The following SPEF2 variants were observed in gnomAD, a reference collection of about 807,000 sequenced individuals.
SPEF2 encodes sperm flagellar and cilia associated 2, also known as sperm flagella and cilia-associated protein 2.
A neutral mutation model predicts 224.6 loss-of-function variants in SPEF2; 187 were observed. The observed-to-expected ratio is 0.83, with a 90% CI of 0.74 to 0.94. SPEF2 has a LOEUF of 0.94. SPEF2 is among the 40% of genes least tolerant of loss of function. SPEF2 has a pLI of 0.00. For missense variants in SPEF2, 2,170 were observed against 2,135.6 expected (o/e 1.02, Z -0.32); for synonymous variants, 715 against 707.3 (o/e 1.01, Z -0.17).
chr5:35,779,021 A>G, intron 29 of SPEF2, 96 bp from the exon 30 acceptor site: 1 of 823,636 alleles, frequency 1.2e-6, no homozygotes, highest in Non-Finnish European at 1.9e-6. Flanking sequence ...AGAGCTATAT[A>G]ATCTGTTTAC....
intron 23 of SPEF2, among the ~76,000 whole-genome samples, chr5:35,751,751 CTG>C (rs1438972150): frequency 6.6e-6 from 1 of 152,130 alleles, no homozygotes; most frequent in African/African-American, 2.4e-5. Flanking sequence ...ATAAAATTCA[CTG>C]TAGGCATTAA....
chr5:35,645,048 C>CT (rs1424775363), intron 4 of SPEF2, among the ~76,000 whole-genome samples: 1 of 152,172 alleles, frequency 6.6e-6, no homozygotes, highest in African/African-American at 2.4e-5. Flanking sequence ...CTTGCTTTGA[C>CT]TAACTCTCTG....
chr5:35,799,918 T>C, intron 33 of SPEF2, 50 bp from the exon 34 acceptor site: 1 of 1,594,230 alleles, frequency 6.3e-7, no homozygotes. Context: ...GACTAACTAC[T>C]GACTATGAGA....
intron 23 of SPEF2, among the ~76,000 whole-genome samples, chr5:35,751,031 ATATACACATATG>A (rs1561304896): frequency 4.1e-4 from 41 of 101,174 alleles, no homozygotes; most frequent in Middle Eastern, 4.6e-3. Context: ...ATACGTATAT[ATATACACATATG>A]TATATATATA....
chr5:35,758,623 G>C (rs1037408304), intron 24 of SPEF2, among the ~76,000 whole-genome samples: 17 of 152,074 alleles, frequency 1.1e-4, no homozygotes, highest in African/African-American at 3.9e-4. Context: ...CAAGCAGAAG[G>C]GTTTAGCCGT....
intron 25 of SPEF2, among the ~76,000 whole-genome samples, chr5:35,761,664 A>G (rs1367372801): frequency 1.3e-5 from 2 of 152,042 alleles, no homozygotes; most frequent in African/African-American, 2.4e-5. Context: ...AGCTGCTGAA[A>G]GAGATCTTTG....
At chr5:35,737,501 A>G (rs576085355) in intron 21 of SPEF2, among the ~76,000 whole-genome samples, 6 of 152,006 alleles carry the variant, frequency 3.9e-5, no homozygotes, top group African/African-American at 1.2e-4. Context: ...GCTGAGAATG[A>G]TGGTTTCCAG....
chr5:35,790,388 C>T, intron 30 of SPEF2: 2 of 494,698 alleles, frequency 4.0e-6, no homozygotes, highest in Non-Finnish European at 7.1e-6. Context: ...CAAATGTTGA[C>T]ATTTTTGTTG....
At chr5:35,811,579 C>T (rs2149880585) in intron 36 of SPEF2, among the ~76,000 whole-genome samples, 1 of 150,528 alleles carries the variant, frequency 6.6e-6, no homozygotes, top group African/African-American at 2.5e-5. Context: ...GTGTCTGCAT[C>T]TGTAAAATAG....
At chr5:35,703,135 G>T (rs1467445161) in intron 16 of SPEF2, among the ~76,000 whole-genome samples, 7 of 109,800 alleles carry the variant, frequency 6.4e-5, no homozygotes, top group African/African-American at 1.7e-4. Flanking sequence ...ATTTATTTTA[G>T]AAAAGGGTCT....
Position 35,704,551 on chromosome 5 carries a change from T to C in SPEF2, c.2399-3T>C. The C allele has an allele frequency of 6.3e-7, 1 of 1,593,156 alleles. No homozygotes were observed. The highest frequency in any genetic ancestry group is 8.6e-7 in the Non-Finnish European group (1 of 1,169,174). ...ATCTAATTAAATAAATTTTATACCATAGCTGAAGAATTGTCCTATAAAACT... is the reference window on the plus strand; with the variant it reads ...ATCTAATTAAATAAATTTTATACCACAGCTGAAGAATTGTCCTATAAAACT... On this transcript the variant is annotated splice_polypyrimidine_tract_variant and splice_region_variant and intron_variant, in intron 16 of 36. Coordinates refer to ENST00000356031, the MANE Select transcript of SPEF2 (RefSeq NM_024867.4).
At position 35,621,717 on chromosome 5, in the gene SPEF2, CAAAG is replaced by C. The variant is rs2149354926; in HGVS notation, c.58+3666_58+3669del. On this transcript the variant is annotated intron_variant, in intron 1 of 36. Transcript: ENST00000356031. ...CCCAGCCCATAGTTGCTTGTTGGGACAAAGAAACAGGAGAGAATGCCAAGCCTGT... is the reference window on the plus strand; with the variant it reads ...CCCAGCCCATAGTTGCTTGTTGGGACAAACAGGAGAGAATGCCAAGCCTGT... 2.0e-5 allele frequency among the ~76,000 whole-genome samples: 3 copies of C among 152,210 alleles called. No homozygotes were observed. The South Asian group carries it at 6.2e-4, about 32-fold the overall frequency.
At chr5:35,620,205 C>G (rs574615542) in intron 1 of SPEF2, among the ~76,000 whole-genome samples, 61 of 152,280 alleles carry the variant, frequency 4.0e-4, no homozygotes, top group African/African-American at 1.4e-3. Context: ...GCTGCCCCAT[C>G]ATTAGATAAA....
rs757240214 is a variant in SPEF2 at position 35,641,509 on chromosome 5, T to G, written c.240T>G (p.Asn80Lys). 2.5e-6 allele frequency: 4 copies of G among 1,613,734 alleles called. No homozygotes were observed. The highest frequency in any genetic ancestry group is 3.4e-6 in the Non-Finnish European group (4 of 1,179,840). ...LNLLGVQFDQ[N>K]VAHGIITEKP... Reference sequence around the variant, plus strand: ...TTCTGGGTGTGCAGTTTGATCAGAATGTGGCCCATGGCATCATCACAGAAA... The same window carrying G: ...TTCTGGGTGTGCAGTTTGATCAGAAGGTGGCCCATGGCATCATCACAGAAA... The change falls in exon 3 of 37, where the codon AAT (asparagine) becomes AAG (lysine). Residue 80 changes from asparagine to lysine, a missense_variant. Transcript: ENST00000356031.
intron 20 of SPEF2, among the ~76,000 whole-genome samples, chr5:35,717,041 A>G (rs1048201538): frequency 6.6e-6 from 1 of 152,200 alleles, no homozygotes; most frequent in Non-Finnish European, 1.5e-5. Context: ...CCACTGTCCC[A>G]TTATGTTTCT....
At position 35,806,877 on chromosome 5, in the gene SPEF2, G is replaced by C; in HGVS notation, c.5181G>C (p.Val1727=). 1.2e-6 allele frequency: 2 copies of C among 1,614,108 alleles called. No homozygotes were observed. The highest frequency in any genetic ancestry group is 1.7e-6 in the Non-Finnish European group (2 of 1,180,000). Residue 1727 remains valine, a synonymous_variant, in exon 35 of 37, where the codon GTG becomes GTC. Transcript: ENST00000356031. ...EKMSMETLLK[V]FKGGSEAQDS... is the part of the protein sequence containing the mutation. ...TGTCCATGGAAACACTACTCAAAGT[G>C]TTCAAAGGGGGAAGTGAAGCACAGG...
chr5:35,754,305 G>A (rs1042456491), intron 24 of SPEF2, among the ~76,000 whole-genome samples: 2 of 152,100 alleles, frequency 1.3e-5, no homozygotes, highest in African/African-American at 2.4e-5. Flanking sequence ...GATTTTATTC[G>A]ACACTATTGT....
At chr5:35,802,596 A>C (rs927730739) in intron 34 of SPEF2, among the ~76,000 whole-genome samples, 10 of 152,288 alleles carry the variant, frequency 6.6e-5, no homozygotes, top group African/African-American at 2.4e-4. Context: ...GGGTGGCCAG[A>C]AAAGCCCTCT....
At chr5:35,766,103 A>T (rs1752051613) in intron 26 of SPEF2, among the ~76,000 whole-genome samples, 2 of 152,074 alleles carry the variant, frequency 1.3e-5, no homozygotes, top group East Asian at 1.9e-4. Context: ...TTCCTTTCTC[A>T]TGCTATCTTT....
Sources: gnomAD v4.1 joint callset for allele counts (sites outside exome capture counted in the v4.1 genomes callset) on GRCh38, gnomAD v4.1.1 for gene constraint, MANE v1.5 for transcripts, NCBI Gene and HGNC (gene_info 2026-07-23, HGNC 2026-07-21) for gene names.